CFAP263: variants seen among roughly 807,000 people sequenced by gnomAD.
CFAP263 encodes the protein cilia and flagella associated protein 263.
the CFAP263 span, among the ~76,000 whole-genome samples, chr16:58,266,391 ATATATATATATATATTTTTTTTT>A: frequency 0.013 from 431 of 33,446 alleles, 3 homozygotes; most frequent in African/African-American, 0.052. Context: ...ATATATATAT[ATATATATATATATATTTTTTTTT>A]TTTTTTTTTT....
At chr16:58,271,421 A>G in the CFAP263 span, among the ~76,000 whole-genome samples, 2 of 152,182 alleles carry the variant, frequency 1.3e-5, no homozygotes, top group African/African-American at 4.8e-5. Context: ...ACCAGTATTG[A>G]TACAGTATTA....
chr16:58,281,374 T>C, the CFAP263 span: 1 of 155,290 alleles, frequency 6.4e-6, no homozygotes, highest in Non-Finnish European at 1.4e-5. Flanking sequence ...TTAATGCCTG[T>C]AACACGTGCT....
the CFAP263 span, chr16:58,278,662 G>A: frequency 2.5e-5 from 40 of 1,611,334 alleles, no homozygotes; most frequent in Non-Finnish European, 3.4e-5. Context: ...GCCCCAAGAT[G>A]GGCAGTCTTT....
chr16:58,280,833 T>C, the CFAP263 span: 6 of 1,365,642 alleles, frequency 4.4e-6, no homozygotes, highest in Non-Finnish European at 2.0e-6. Flanking sequence ...TGCAATATAC[T>C]GTTTGTTCTA....
At chr16:58,272,364 T>G in the CFAP263 span, among the ~76,000 whole-genome samples, 1 of 152,308 alleles carries the variant, frequency 6.6e-6, no homozygotes, top group African/African-American at 2.4e-5. Context: ...CCATGCATTG[T>G]TTAATGATGG....
At chr16:58,262,424 C>T in the CFAP263 span, 2 of 1,613,048 alleles carry the variant, frequency 1.2e-6, no homozygotes, top group Non-Finnish European at 1.7e-6. Flanking sequence ...TGTTGATTTT[C>T]AGCAGTTGAA....
At chr16:58,279,659 T>G in the CFAP263 span, 1 of 1,462,310 alleles carries the variant, frequency 6.8e-7, no homozygotes, top group Admixed American at 2.3e-5. Flanking sequence ...CCTTTATCAT[T>G]TTTTTTCTTT....
the CFAP263 span, among the ~76,000 whole-genome samples, chr16:58,273,264 A>AT: frequency 6.6e-6 from 1 of 151,830 alleles, no homozygotes. Flanking sequence ...TATCTGAATA[A>AT]TTTTTTCTAC....
At chr16:58,280,278 G>A in the CFAP263 span, 25 of 1,613,764 alleles carry the variant, frequency 1.5e-5, no homozygotes, top group African/African-American at 2.7e-5. Flanking sequence ...TGATTTCTTC[G>A]GGCTGATACA....
the CFAP263 span, among the ~76,000 whole-genome samples, chr16:58,255,482 A>C: frequency 6.6e-6 from 1 of 152,226 alleles, no homozygotes; most frequent in East Asian, 1.9e-4. Flanking sequence ...CCAGCCATCT[A>C]GGCATCCCTG....
chr16:58,261,769 T>A, the CFAP263 span, among the ~76,000 whole-genome samples: 1 of 152,082 alleles, frequency 6.6e-6, no homozygotes, highest in African/African-American at 2.4e-5. Context: ...GAACAGCAGT[T>A]CCCAAGTTGG....
chr16:58,279,509 C>T, the CFAP263 span, among the ~76,000 whole-genome samples: 2 of 151,712 alleles, frequency 1.3e-5, no homozygotes, highest in African/African-American at 4.8e-5. Flanking sequence ...GGGTGCTGCC[C>T]CTTTGTGGCC....
the CFAP263 span, among the ~76,000 whole-genome samples, chr16:58,268,368 C>T: frequency 1.3e-5 from 2 of 152,166 alleles, no homozygotes; most frequent in African/African-American, 4.8e-5. Context: ...GTGCTGGACT[C>T]ATGACCAGAA....
the CFAP263 span, chr16:58,250,096 G>C: frequency 7.6e-6 from 12 of 1,586,314 alleles, no homozygotes; most frequent in Non-Finnish European, 9.4e-6. Flanking sequence ...CCAGCTGTGC[G>C]GGCTGGTGGA....
the CFAP263 span, among the ~76,000 whole-genome samples, chr16:58,264,508 G>A: frequency 3.3e-5 from 5 of 152,188 alleles, no homozygotes; most frequent in Non-Finnish European, 7.3e-5. Context: ...ACTGAGTTGT[G>A]GAGTCAGACC....
At chr16:58,268,026 G>C in the CFAP263 span, among the ~76,000 whole-genome samples, 1 of 130,514 alleles carries the variant, frequency 7.7e-6, no homozygotes, top group African/African-American at 3.2e-5. Flanking sequence ...AAGAGAGAGA[G>C]AAGAAAGAGA....
chr16:58,262,655 T>C, the CFAP263 span: 1 of 910,418 alleles, frequency 1.1e-6, no homozygotes, highest in Non-Finnish European at 1.6e-6. Context: ...GCCCCCTCGC[T>C]GTCAAGCCAT....
chr16:58,279,851 C>G, the CFAP263 span: 1 of 1,188,628 alleles, frequency 8.4e-7, no homozygotes, highest in East Asian at 2.3e-5. Flanking sequence ...GTCACGGGCT[C>G]CTCTCACTGT....
chr16:58,249,959 C>A, the CFAP263 span: 1 of 1,234,416 alleles, frequency 8.1e-7, no homozygotes, highest in Non-Finnish European at 1.2e-6. Context: ...CGCGTGGCCG[C>A]CGGCACCCGG....
Sources: allele counts gnomAD v4.1 joint callset (sites outside exome capture counted in the v4.1 genomes callset), GRCh38; gene constraint gnomAD v4.1.1; transcripts MANE v1.5; gene names NCBI Gene and HGNC (gene_info 2026-07-23, HGNC 2026-07-21).